The following HHLA2 variants were observed in gnomAD, a reference collection of about 807,000 sequenced individuals.
HHLA2 encodes HERV-H LTR-associating protein 2.
A neutral mutation model predicts 45.9 loss-of-function variants in HHLA2; 48 were observed. The ratio of observed to expected loss-of-function variants is 1.05; its 90% CI spans 0.83 to 1.33. HHLA2 has a LOEUF of 1.33. Among genes scored for constraint, HHLA2 ranks in the 40% most tolerant of loss-of-function variants. The pLI is 0.00. For missense variants in HHLA2, 462 were observed against 494.3 expected, an observed-to-expected ratio of 0.93 and a Z score of 0.62; for synonymous variants, 161 against 173.9, an observed-to-expected ratio of 0.93 and a Z score of 0.59.
At chr3:108,362,376 C>T (rs2081997072) in exon 8 of HHLA2, 1 of 1,612,676 alleles carries the variant, frequency 6.2e-7, no homozygotes, top group Non-Finnish European at 8.5e-7. Context: ...ATAACAAAGG[C>T]TTATGGATTT....
At chr3:108,346,822 T>C (rs2081668992) in intron 3 of HHLA2, among the ~76,000 whole-genome samples, 1 of 152,236 alleles carries the variant, frequency 6.6e-6, no homozygotes, top group Non-Finnish European at 1.5e-5. Context: ...TTAGTACTGA[T>C]GGCTGTGGTC....
Position 108,346,591 on chromosome 3 carries a change from T to C in HHLA2, c.-26-5197T>C, listed in dbSNP as rs904241621. Among the ~76,000 whole-genome samples, 4 of 152,310 alleles carry C rather than the reference T, an allele frequency of 2.6e-5. No individual in the cohort carries two copies. The South Asian group carries it at 6.2e-4, about 24-fold the overall frequency. On this transcript the variant is annotated intron_variant, in intron 3 of 10. Coordinates refer to ENST00000619531, the Ensembl canonical transcript of HHLA2. ...CATTCTTATGTTTCAAAAAAGAGAA[T>C]TGACCTGTTCTTGTGGCTCTGGTCA...
At chr3:108,301,828 A>G (rs1030980488) in intron 1 of HHLA2, among the ~76,000 whole-genome samples, 4 of 151,990 alleles carry the variant, frequency 2.6e-5, no homozygotes, top group Non-Finnish European at 5.9e-5. Flanking sequence ...TTGCTACCTT[A>G]ACTCCTCTAT....
intron 2 of HHLA2, among the ~76,000 whole-genome samples, chr3:108,327,631 TTC>T (rs1358262786): frequency 4.5e-4 from 68 of 152,290 alleles, no homozygotes; most frequent in African/African-American, 1.5e-3. Context: ...TTCTTGTAGT[TTC>T]TGTTTGGTTC....
intron 3 of HHLA2, among the ~76,000 whole-genome samples, chr3:108,339,937 G>T (rs966713866): frequency 6.6e-6 from 1 of 152,138 alleles, no homozygotes; most frequent in South Asian, 2.1e-4. Flanking sequence ...GAAAAATCTG[G>T]TTCAAAAGAC....
chr3:108,345,416 T>A (rs1163192718), intron 3 of HHLA2, among the ~76,000 whole-genome samples: 1 of 152,254 alleles, frequency 6.6e-6, no homozygotes, highest in Non-Finnish European at 1.5e-5. Flanking sequence ...TTGTAGGTGA[T>A]TAACTGCAAA....
At chr3:108,309,126 C>T (rs770239336) in intron 1 of HHLA2, among the ~76,000 whole-genome samples, 3 of 152,126 alleles carry the variant, frequency 2.0e-5, no homozygotes, top group South Asian at 2.1e-4. Flanking sequence ...TTCTTGTAAC[C>T]GTTTCATGGT....
At chr3:108,302,401 C>CTCAA (rs2080865180) in intron 1 of HHLA2, 1 of 152,352 alleles carries the variant, frequency 6.6e-6, no homozygotes, top group East Asian at 1.9e-4. Context: ...TAACATCTCT[C>CTCAA]TCAACATTTT....
intron 1 of HHLA2, among the ~76,000 whole-genome samples, chr3:108,299,299 A>C (rs952571009): frequency 1.3e-5 from 2 of 148,564 alleles, no homozygotes; most frequent in Non-Finnish European, 3.0e-5. Flanking sequence ...CAAAAAGTTA[A>C]ATCACTTTTG....
intron 3 of HHLA2, among the ~76,000 whole-genome samples, chr3:108,347,350 C>A (rs764460251): frequency 6.6e-6 from 1 of 152,022 alleles, no homozygotes; most frequent in Non-Finnish European, 1.5e-5. Context: ...ATTAAATAGT[C>A]CTCAGAGACT....
At chr3:108,299,577 G>C (rs1161372779) in intron 1 of HHLA2, among the ~76,000 whole-genome samples, 1 of 151,966 alleles carries the variant, frequency 6.6e-6, no homozygotes, top group African/African-American at 2.4e-5. Context: ...ATAAGTGCAG[G>C]AATCTATGGA....
intron 2 of HHLA2, among the ~76,000 whole-genome samples, chr3:108,324,812 C>T (rs981006142): frequency 6.6e-6 from 1 of 151,744 alleles, no homozygotes; most frequent in African/African-American, 2.4e-5. Flanking sequence ...TAAATTTTTC[C>T]TTCTTTCTGG....
rs569479358 is a variant in HHLA2 at position 108,365,088 on chromosome 3, T to A, written c.1108+2642T>A. Among the ~76,000 whole-genome samples, 256 of 152,358 alleles carry A rather than the reference T, an allele frequency of 1.7e-3. 2 individuals are homozygous for A. Among genetic ancestry groups the A allele is most frequent in the African/African-American group, 5.9e-3 (244 of 41,582 alleles). On this transcript the variant is annotated intron_variant, in intron 8 of 10. Coordinates refer to ENST00000619531, the Ensembl canonical transcript of HHLA2. ...TCCTTGTCCATGTCTATGTCCTGAA[T>A]GATATTGCCTAGGTTTTCTTCTAGG...
intron 2 of HHLA2, among the ~76,000 whole-genome samples, chr3:108,317,576 C>A (rs1427426242): frequency 1.6e-5 from 2 of 122,614 alleles, no homozygotes; most frequent in African/African-American, 2.7e-5. Context: ...GAGATTACTT[C>A]TTTTTTTTTT....
chr3:108,366,464 T>C (rs1020543936), intron 8 of HHLA2, among the ~76,000 whole-genome samples: 2 of 152,110 alleles, frequency 1.3e-5, no homozygotes, highest in African/African-American at 2.4e-5. Flanking sequence ...CTCTGTCAGG[T>C]TTTGGAATCA....
At chr3:108,331,925 T>C (rs561595483) in intron 3 of HHLA2, among the ~76,000 whole-genome samples, 2 of 152,172 alleles carry the variant, frequency 1.3e-5, no homozygotes, top group South Asian at 4.1e-4. Context: ...ACTAACCACA[T>C]AAAGTTGTAT....
At chr3:108,331,988 A>G (rs1473153160) in intron 3 of HHLA2, among the ~76,000 whole-genome samples, 3 of 152,162 alleles carry the variant, frequency 2.0e-5, no homozygotes, top group Non-Finnish European at 4.4e-5. Flanking sequence ...GTGGCAAGCG[A>G]GATCACTAAA....
chr3:108,364,563 C>T (rs1042301165), intron 8 of HHLA2, among the ~76,000 whole-genome samples: 14 of 152,176 alleles, frequency 9.2e-5, no homozygotes, highest in Non-Finnish European at 1.8e-4. Flanking sequence ...CTTGAGGAAT[C>T]GCCACACTGT....
chr3:108,354,167 T>C (rs1320769254), intron 5 of HHLA2, among the ~76,000 whole-genome samples: 1 of 152,156 alleles, frequency 6.6e-6, no homozygotes, highest in Non-Finnish European at 1.5e-5. Context: ...GAAAAAATAT[T>C]GAATTGCTGA....
Sources: gnomAD v4.1 joint callset for allele counts (sites outside exome capture counted in the v4.1 genomes callset) on GRCh38, gnomAD v4.1.1 for gene constraint, MANE v1.5 for transcripts, NCBI Gene and HGNC (gene_info 2026-07-23, HGNC 2026-07-21) for gene names.